The following RUNX2 variants were observed in gnomAD, a reference collection of about 807,000 sequenced individuals.
RUNX2 encodes the protein RUNX family transcription factor 2.
Under a neutral mutation model 51.7 loss-of-function variants are expected in RUNX2, and 10 were observed. The observed-to-expected ratio is 0.19, with a 90% CI of 0.12 to 0.33. The LOEUF (loss-of-function observed/expected upper bound fraction) is 0.33, where lower values mean the gene tolerates loss of function less well. RUNX2 is among the 10% of genes least tolerant of loss of function. RUNX2 has a pLI of 1.00. For missense variants in RUNX2, 562 were observed against 691.3 expected (o/e 0.81, Z 2.10); for synonymous variants, 276 against 273.6 (o/e 1.01, Z -0.09).
At chr6:45,482,312 G>A (rs116597986) in intron 5 of RUNX2, among the ~76,000 whole-genome samples, 84 of 152,252 alleles carry the variant, frequency 5.5e-4, no homozygotes, top group African/African-American at 1.9e-3. Flanking sequence ...CTGTAAGCAC[G>A]TGTTTATTAT....
chr6:45,394,146 C>T (rs72862930), intron 2 of RUNX2, among the ~76,000 whole-genome samples: 32,405 of 151,702 alleles, frequency 0.21, 3,675 homozygotes, highest in Non-Finnish European at 0.25. Context: ...CCGCCCTCCT[C>T]GTGATCCGCC....
intron 2 of RUNX2, among the ~76,000 whole-genome samples, chr6:45,344,697 A>C (rs1790494079): frequency 6.6e-6 from 1 of 152,136 alleles, no homozygotes; most frequent in South Asian, 2.1e-4. Context: ...CTAGCTCTTC[A>C]TGGTTGGCTA....
intron 5 of RUNX2, among the ~76,000 whole-genome samples, chr6:45,438,902 C>CT (rs766454508): frequency 1.8e-4 from 27 of 152,252 alleles, no homozygotes; most frequent in Non-Finnish European, 3.4e-4. Context: ...AGAACTCTGC[C>CT]TTTGCTGAGT....
intron 5 of RUNX2, among the ~76,000 whole-genome samples, chr6:45,453,862 A>T (rs1207438308): frequency 1.3e-5 from 2 of 152,252 alleles, no homozygotes; most frequent in African/African-American, 4.8e-5. Context: ...CAGGGATCCA[A>T]GAGTTTTTGG....
intron 2 of RUNX2, among the ~76,000 whole-genome samples, chr6:45,375,755 C>T (rs540738078): frequency 5.0e-4 from 76 of 152,050 alleles, no homozygotes; most frequent in African/African-American, 1.7e-3. Flanking sequence ...AGGGTGCTAC[C>T]GCTACCTATA....
intron 6 of RUNX2, among the ~76,000 whole-genome samples, chr6:45,493,656 A>T (rs1266470948): frequency 6.6e-6 from 1 of 152,114 alleles, no homozygotes; most frequent in Non-Finnish European, 1.5e-5. Context: ...TATGTAAAAA[A>T]AAAAGTAGTA....
chr6:45,387,262 C>A (rs1183348042), intron 2 of RUNX2, among the ~76,000 whole-genome samples: 3 of 152,136 alleles, frequency 2.0e-5, no homozygotes, highest in African/African-American at 7.2e-5. Context: ...TGTACAAAAT[C>A]TCAGTGGCTA....
chr6:45,410,922 T>C (rs1582082715), intron 2 of RUNX2, among the ~76,000 whole-genome samples: 1 of 152,326 alleles, frequency 6.6e-6, no homozygotes, highest in Non-Finnish European at 1.5e-5. Context: ...TAAGGGTTTA[T>C]AGTGAGTTAG....
chr6:45,366,928 T>C (rs1795233557), intron 2 of RUNX2, among the ~76,000 whole-genome samples: 1 of 152,172 alleles, frequency 6.6e-6, no homozygotes, highest in Admixed American at 6.5e-5. Context: ...TGCTGCCAAA[T>C]TTATCTTCTT....
intron 2 of RUNX2, among the ~76,000 whole-genome samples, chr6:45,396,654 C>T (rs1797587760): frequency 6.6e-6 from 1 of 152,214 alleles, no homozygotes; most frequent in Non-Finnish European, 1.5e-5. Context: ...GATCCTCTTG[C>T]CTTGATCTCC....
intron 3 of RUNX2, among the ~76,000 whole-genome samples, chr6:45,428,209 T>C (rs945335377): frequency 6.6e-6 from 1 of 152,180 alleles, no homozygotes; most frequent in Non-Finnish European, 1.5e-5. Context: ...TGTTTTTCCA[T>C]TGCTTGGTTT....
intron 5 of RUNX2, among the ~76,000 whole-genome samples, chr6:45,479,799 C>G (rs1217234358): frequency 6.6e-6 from 1 of 152,178 alleles, no homozygotes; most frequent in Non-Finnish European, 1.5e-5. Flanking sequence ...CCACACCAAC[C>G]TGCTTCCTTT....
At chr6:45,384,706 CTTTTTTTTTTT>C (rs56307239) in intron 2 of RUNX2, among the ~76,000 whole-genome samples, 15 of 61,210 alleles carry the variant, frequency 2.5e-4, no homozygotes, top group South Asian at 1.4e-3. Flanking sequence ...ATTAGGGTGT[CTTTTTTTTTTT>C]TTTTTTTTTT....
At chr6:45,409,824 G>C (rs1042589737) in intron 2 of RUNX2, among the ~76,000 whole-genome samples, 4 of 152,190 alleles carry the variant, frequency 2.6e-5, no homozygotes, top group Non-Finnish European at 5.9e-5. Flanking sequence ...TATGCTAAAT[G>C]CTGAGGATAA....
chr6:45,511,794 G>A (rs920145776), intron 6 of RUNX2, among the ~76,000 whole-genome samples: 9 of 152,198 alleles, frequency 5.9e-5, no homozygotes, highest in Admixed American at 2.0e-4. Context: ...ATGCAGCAGC[G>A]AAAGGCACAG....
chr6:45,533,482 G>A (rs965009978), intron 7 of RUNX2, among the ~76,000 whole-genome samples: 4 of 152,144 alleles, frequency 2.6e-5, no homozygotes, highest in Non-Finnish European at 5.9e-5. Flanking sequence ...TATACAAACA[G>A]CTCTTTGAAA....
At chr6:45,520,207 C>A (rs6905847) in intron 7 of RUNX2, among the ~76,000 whole-genome samples, 54,808 of 151,968 alleles carry the variant, frequency 0.36, 11,439 homozygotes, top group African/African-American at 0.59. Context: ...TTCCATTTTC[C>A]TTTTGTTGCT....
At chr6:45,371,074 T>C (rs139693188) in intron 2 of RUNX2, among the ~76,000 whole-genome samples, 15 of 152,318 alleles carry the variant, frequency 9.8e-5, no homozygotes, top group Admixed American at 9.8e-4. Flanking sequence ...AGTTACTTAA[T>C]GGTTAACTTT....
intron 2 of RUNX2, among the ~76,000 whole-genome samples, chr6:45,332,927 T>C (rs1446504186): frequency 6.6e-6 from 1 of 151,710 alleles, no homozygotes; most frequent in Non-Finnish European, 1.5e-5. Flanking sequence ...CCTATACCAA[T>C]GAACGCTGCA....
Sources: allele counts gnomAD v4.1 joint callset (sites outside exome capture counted in the v4.1 genomes callset), GRCh38; gene constraint gnomAD v4.1.1; transcripts MANE v1.5; gene names NCBI Gene and HGNC (gene_info 2026-07-23, HGNC 2026-07-21).